The following NBEA variants were observed in gnomAD, a reference collection of about 807,000 sequenced individuals.
NBEA encodes the protein lysosomal-trafficking regulator 2.
NBEA carries 44 observed loss-of-function variants against 343.4 expected under a neutral mutation model. The ratio of observed to expected loss-of-function variants is 0.13; its 90% CI spans 0.10 to 0.16. The LOEUF (loss-of-function observed/expected upper bound fraction) is 0.16. Ranked by LOEUF, NBEA falls within the 10% of genes least tolerant of loss-of-function variation. NBEA has a pLI of 1.00. For missense variants in NBEA, 2,555 were observed against 3,631.3 expected (o/e 0.70, Z 7.62); for synonymous variants, 1,175 against 1,238.7 (o/e 0.95, Z 1.08).
In NBEA at chr13:35,179,685, T is replaced by C. The variant is rs1277070861; in HGVS notation, c.4662+2582T>C. The C allele has an allele frequency of 1.2e-5, 8 of 673,984 alleles. No individual in the cohort carries two copies. In the South Asian group the frequency reaches 3.3e-4, roughly 28 times the overall value. 41.8% of individuals were successfully genotyped at this position (673,984 alleles called of 1,614,324 possible). A position where few individuals can be genotyped will look rare whatever the true frequency, so the allele number is the denominator to read the frequency against. On this transcript the variant is annotated intron_variant, in intron 28 of 58. Coordinates refer to ENST00000379939, the MANE Select transcript of NBEA (RefSeq NM_001385012.1). ...GGCATTCATTCATTCATTCCACACA[T>C]ATTTGTTGAATGCCTTCTGATTGCC... is the stretch of plus-strand genomic sequence containing the variant.
At chr13:35,156,339 T>C in intron 20 of NBEA, 133 bp downstream of exon 20, 1 of 829,056 alleles carries the variant, frequency 1.2e-6, no homozygotes, top group Non-Finnish European at 1.8e-6. Flanking sequence ...ATTTTATGTT[T>C]CTTTGACATA....
intron 48 of NBEA, among the ~76,000 whole-genome samples, chr13:35,610,565 A>G (rs1428073222): frequency 1.3e-5 from 2 of 152,196 alleles, no homozygotes; most frequent in African/African-American, 4.8e-5. Context: ...AAAATAGATC[A>G]TGGACCTAAG....
chr13:35,649,577 C>A, intron 51 of NBEA, 78 bp from the exon 52 acceptor site: 1 of 1,234,688 alleles, frequency 8.1e-7, no homozygotes, highest in South Asian at 1.3e-5. Context: ...GTCTGTTTAA[C>A]CTCATTCTCC....
intron 35 of NBEA, among the ~76,000 whole-genome samples, chr13:35,296,370 G>A (rs1396299802): frequency 6.9e-6 from 1 of 144,332 alleles, no homozygotes; most frequent in African/African-American, 2.6e-5. Flanking sequence ...GACAGAGCGA[G>A]ACTCAGTCTC....
At position 35,118,440 on chromosome 13, in the gene NBEA, A is replaced by G. The variant is rs764502239; in HGVS notation, c.2209A>G (p.Met737Val). The G allele has an allele frequency of 1.1e-5, 18 of 1,605,674 alleles. No individual in the cohort carries two copies. The highest frequency in any genetic ancestry group is 2.2e-5 in the East Asian group (1 of 44,628). Reference protein sequence around the residue: ...VALMSEHPASMIPAFDQRNGI... With the variant: ...VALMSEHPASVIPAFDQRNGI... ...TTTAATGTCGGAACACCCAGCCTCA[A>G]TGATACCAGCATTTGATCAAAGAAA... is the stretch of plus-strand genomic sequence containing the variant. Residue 737 changes from methionine (M) to valine (V), a missense_variant, in exon 16 of 59, where the codon ATG (methionine) becomes GTG (valine). Transcript: ENST00000379939.
At chr13:35,531,190 T>C (rs528732625) in intron 41 of NBEA, among the ~76,000 whole-genome samples, 1 of 152,100 alleles carries the variant, frequency 6.6e-6, no homozygotes, top group African/African-American at 2.4e-5. Context: ...AACTGCAGAA[T>C]TGGAAAGAAA....
intron 38 of NBEA, among the ~76,000 whole-genome samples, chr13:35,397,220 T>C (rs1335883824): frequency 6.6e-6 from 1 of 152,234 alleles, no homozygotes; most frequent in East Asian, 1.9e-4. Flanking sequence ...TAACATTCTT[T>C]CTGTTAAACA....
At chr13:35,542,899 T>C (rs1357985968) in intron 41 of NBEA, among the ~76,000 whole-genome samples, 1 of 152,052 alleles carries the variant, frequency 6.6e-6, no homozygotes, top group Non-Finnish European at 1.5e-5. Context: ...ATAATTTCTC[T>C]CTTTGAACTC....
intron 39 of NBEA, among the ~76,000 whole-genome samples, chr13:35,443,384 A>G (rs1435061231): frequency 6.6e-6 from 1 of 152,048 alleles, no homozygotes; most frequent in Non-Finnish European, 1.5e-5. Flanking sequence ...TTTATTATAA[A>G]TTTGAAGCTG....
chr13:35,555,366 C>T (rs907241961), intron 44 of NBEA, among the ~76,000 whole-genome samples: 5 of 152,054 alleles, frequency 3.3e-5, no homozygotes, highest in African/African-American at 1.2e-4. Flanking sequence ...TTAGAGTCAA[C>T]AAACCATTGC....
chr13:35,196,088 T>C lies in NBEA; in HGVS notation c.5152T>C (p.Leu1718=), dbSNP rs368052336. Residue 1718 remains leucine, a synonymous_variant, in exon 31 of 59, where the codon TTA becomes CTA. Transcript: ENST00000379939. ...CGAAGTGAAGAAATCACAAGAGAGC[T>C]TAACTGAAAATCCTAGTGAAACGTT... ...SSEVKKSQES[L]TENPSETLKP... 14 of 1,613,668 alleles carry C rather than the reference T, an allele frequency of 8.7e-6. No homozygotes were observed. In the African/African-American group the frequency reaches 1.6e-4, roughly 18 times the overall value.
chr13:35,011,000 C>T (rs1446989610), intron 1 of NBEA, among the ~76,000 whole-genome samples: 1 of 151,146 alleles, frequency 6.6e-6, no homozygotes, highest in African/African-American at 2.4e-5. Context: ...TGTTTGCATG[C>T]TGAAGCGAAT....
intron 24 of NBEA, among the ~76,000 whole-genome samples, chr13:35,164,714 A>T (rs1436554232): frequency 6.6e-6 from 1 of 152,074 alleles, no homozygotes; most frequent in East Asian, 1.9e-4. Context: ...TTCTCTGGTA[A>T]TTCTGATGAA....
intron 55 of NBEA, among the ~76,000 whole-genome samples, chr13:35,659,600 T>C (rs931867080): frequency 5.3e-5 from 8 of 152,190 alleles, no homozygotes; most frequent in Non-Finnish European, 8.8e-5. Flanking sequence ...TTGTGATGAA[T>C]TGGTCACAAA....
chr13:35,516,842 G>T (rs1451095938), intron 41 of NBEA, among the ~76,000 whole-genome samples: 1 of 152,084 alleles, frequency 6.6e-6, no homozygotes, highest in Non-Finnish European at 1.5e-5. Context: ...AGTTATAATA[G>T]CTAAGTGAGT....
chr13:35,173,574 A>G lies in NBEA; in HGVS notation c.4534A>G (p.Thr1512Ala), dbSNP rs2070639560. The G allele has an allele frequency of 6.2e-7, 1 of 1,611,176 alleles. No individual in the cohort carries two copies. The highest frequency in any genetic ancestry group is 1.3e-5 in the African/African-American group (1 of 74,842). The change falls in exon 27 of 59, where the codon ACT becomes GCT. Residue 1512 changes from threonine to alanine, a missense_variant. This residue lies in a region of NBEA where 168 missense variants were observed against 193.0 expected (regional missense o/e 0.87). Transcript: ENST00000379939. The part of the protein sequence containing the change: ...SKPQEVPQSV[T>A]ATAASKTPLE... ...ACCTCAGGAAGTTCCTCAAAGTGTG[A>G]CTGCTACAGCAGCTTCGAAGGTAAG...
intron 41 of NBEA, among the ~76,000 whole-genome samples, chr13:35,492,693 T>A (rs1353800738): frequency 6.6e-6 from 1 of 151,598 alleles, no homozygotes; most frequent in Non-Finnish European, 1.5e-5. Flanking sequence ...GATCTGAAAA[T>A]GTAGCAGGAA....
At chr13:34,954,106 A>T (rs2059424130) in intron 1 of NBEA, among the ~76,000 whole-genome samples, 1 of 152,214 alleles carries the variant, frequency 6.6e-6, no homozygotes, top group Non-Finnish European at 1.5e-5. Flanking sequence ...TATAGTATAG[A>T]ACTATTTACA....
intron 10 of NBEA, among the ~76,000 whole-genome samples, chr13:35,088,246 G>A (rs1238102506): frequency 6.6e-6 from 1 of 151,876 alleles, no homozygotes; most frequent in Non-Finnish European, 1.5e-5. Context: ...CTCCCTTAAT[G>A]TACCCTAAAT....
Sources: gnomAD v4.1 joint callset for allele counts (sites outside exome capture counted in the v4.1 genomes callset) on GRCh38, gnomAD v4.1.1 for gene constraint, gnomAD v4.1.1 regional missense constraint, MANE v1.5 for transcripts, NCBI Gene and HGNC (gene_info 2026-07-23, HGNC 2026-07-21) for gene names.